Variants in CTBP1 observed in about 807,000 individuals in gnomAD.
CTBP1 encodes the protein C-terminal binding protein 1.
Under a neutral mutation model 42.1 loss-of-function variants are expected in CTBP1, and 11 were observed. The observed-to-expected ratio is 0.26, with a 90% CI of 0.16 to 0.43. CTBP1 has a LOEUF of 0.43. Ranked by LOEUF, CTBP1 falls within the 20% of genes least tolerant of loss-of-function variation. CTBP1 has a pLI of 1.00. For missense variants in CTBP1, 399 were observed against 624.3 expected (o/e 0.64, Z 3.85); for synonymous variants, 324 against 277.1 (o/e 1.17, Z -1.68).
chr4:1,247,754 GGA>G (rs1413527258), intron 1 of CTBP1, among the ~76,000 whole-genome samples: 32 of 128,636 alleles, frequency 2.5e-4, no homozygotes, highest in Non-Finnish European at 5.1e-4. Context: ...CAGAAACGGT[GGA>G]GAGGCCGGGG....
intron 3 of CTBP1, among the ~76,000 whole-genome samples, chr4:1,230,250 A>T (rs540807239): frequency 1.3e-5 from 2 of 152,324 alleles, no homozygotes; most frequent in South Asian, 4.1e-4. Flanking sequence ...ATGGGCAGGC[A>T]GAGGCCAGCA....
intron 5 of CTBP1, 106 bp downstream of exon 5, chr4:1,225,254 C>G: frequency 7.4e-7 from 1 of 1,343,650 alleles, no homozygotes; most frequent in Non-Finnish European, 1.0e-6. Context: ...GGACCGACAC[C>G]TGCAGCAGCC....
chr4:1,219,737 G>A (rs1053183902), intron 5 of CTBP1, among the ~76,000 whole-genome samples: 1 of 152,214 alleles, frequency 6.6e-6, no homozygotes, highest in Non-Finnish European at 1.5e-5. Context: ...GTCTCATTAC[G>A]CCATCCAGGC....
chr4:1,216,078 G>A lies in CTBP1; in HGVS notation c.642C>T (p.Asp214=), dbSNP rs1265639501. ...TCACGCAGTCGCTGTGGAAGAGCAG[G>A]TCCTGCAGGGTGCTGACACGCTGCA... The part of the protein sequence containing the change: ...LGLQRVSTLQ[D]LLFHSDCVTL... The change falls in exon 6 of 10, where the codon GAC becomes GAT. Residue 214 remains aspartate (D), a synonymous_variant. Coordinates refer to ENST00000382952, the MANE Select transcript of CTBP1 (RefSeq NM_001012614.2). 1.9e-6 allele frequency: 3 copies of A among 1,611,602 alleles called. No homozygotes were observed. The highest frequency in any genetic ancestry group is 1.7e-5 in the Admixed American group (1 of 60,008).
chr4:1,248,645 G>C, intron 1 of CTBP1: 1 of 981,062 alleles, frequency 1.0e-6, no homozygotes, highest in Non-Finnish European at 1.2e-6. Flanking sequence ...GAGGCCCACA[G>C]GCCCTTTTGT....
chr4:1,221,870 AGGAAG>A, intron 5 of CTBP1: 1 of 416,434 alleles, frequency 2.4e-6, no homozygotes. Flanking sequence ...GAAGGAAGGA[AGGAAG>A]GGAAGGAGGG....
Position 1,235,856 on chromosome 4 carries a change from G to A in CTBP1, c.162+2327C>T, listed in dbSNP as rs905712274. 6.6e-6 allele frequency: 1 copy of A among 152,232 alleles called. No individual in the cohort carries two copies. The highest frequency in any genetic ancestry group is 1.5e-5 in the Non-Finnish European group (1 of 68,042). The allele number at this position is 152,232 out of a possible 1,614,324, so 9.4% of individuals were successfully genotyped here. ...TCGGCTGACGCTGTCTTCCTCTAAAGGGGCCGTCTTACTTCTTTTGCCAGG... is the reference window on the plus strand; with the variant it reads ...TCGGCTGACGCTGTCTTCCTCTAAAAGGGCCGTCTTACTTCTTTTGCCAGG... On this transcript the variant is annotated intron_variant, in intron 3 of 9. Transcript: ENST00000382952. The surrounding 1 kb of genome is among the most constrained non-coding windows in gnomAD (Gnocchi z 4.2).
intron 4 of CTBP1, 36 bp downstream of exon 4, chr4:1,228,163 T>A (rs373783207): frequency 1.2e-6 from 2 of 1,609,716 alleles, no homozygotes; most frequent in East Asian, 4.5e-5. Flanking sequence ...GGAGCTTGCA[T>A]GAATGGGCAC....
intron 5 of CTBP1, chr4:1,217,182 G>A (rs1426544899): frequency 6.6e-6 from 1 of 152,338 alleles, no homozygotes; most frequent in East Asian, 1.9e-4. Context: ...GTGGCCGGAC[G>A]TGGCCCAAAC....
intron 1 of CTBP1, chr4:1,242,349 A>G: frequency 1.0e-6 from 1 of 985,338 alleles, no homozygotes; most frequent in Non-Finnish European, 1.2e-6. Flanking sequence ...TGCAGCTGAC[A>G]TCAGGCTGAC....
At chr4:1,236,950 C>A (rs553601039) in intron 3 of CTBP1, 30 of 678,826 alleles carry the variant, frequency 4.4e-5, no homozygotes, top group African/African-American at 4.1e-4. Flanking sequence ...TCAGGGCAAA[C>A]CCCGTGTCCA....
At chr4:1,227,799 G>A (rs549253458) in intron 4 of CTBP1, among the ~76,000 whole-genome samples, 1 of 152,364 alleles carries the variant, frequency 6.6e-6, no homozygotes, top group East Asian at 1.9e-4. Context: ...TGTGTGCTGA[G>A]TGCACACGTA....
At chr4:1,214,315 A>G in intron 7 of CTBP1, 28 bp downstream of exon 7, 1 of 1,527,270 alleles carries the variant, frequency 6.5e-7, no homozygotes. Context: ...AGGGAAGAGC[A>G]GGGGGGCGGC....
intron 2 of CTBP1, among the ~76,000 whole-genome samples, chr4:1,240,897 G>A (rs1290081521): frequency 2.6e-5 from 4 of 152,196 alleles, no homozygotes; most frequent in African/African-American, 7.2e-5. Context: ...CCGACTGCAC[G>A]CACTTCCGGG....
chr4:1,234,069 C>A (rs983431148), intron 3 of CTBP1, among the ~76,000 whole-genome samples: 2 of 152,168 alleles, frequency 1.3e-5, no homozygotes, highest in Non-Finnish European at 2.9e-5. Context: ...AGGCCCTGCT[C>A]CCCTCTGTTC....
At chr4:1,215,760 G>C (rs1156335081) in intron 6 of CTBP1, 8 of 584,084 alleles carry the variant, frequency 1.4e-5, no homozygotes, top group Admixed American at 6.1e-5. Flanking sequence ...AAGGTATGAG[G>C]TTCTGTCTTG....
At chr4:1,227,407 C>T (rs142472619) in intron 4 of CTBP1, among the ~76,000 whole-genome samples, 10 of 125,564 alleles carry the variant, frequency 8.0e-5, no homozygotes, top group Admixed American at 7.8e-4. Flanking sequence ...TGTGTGTGTT[C>T]TGTGTGCTGA....
chr4:1,248,416 G>C (rs1287584919), intron 1 of CTBP1, among the ~76,000 whole-genome samples: 1 of 150,560 alleles, frequency 6.6e-6, no homozygotes, highest in South Asian at 2.1e-4. Flanking sequence ...GGTCGCCGGC[G>C]GCCTCCCCGC....
intron 1 of CTBP1, chr4:1,245,384 C>G: frequency 1.0e-6 from 1 of 985,430 alleles, no homozygotes; most frequent in Non-Finnish European, 1.2e-6. Flanking sequence ...CGCCACCTTC[C>G]TGGCTCCTAC....
Sources: allele counts gnomAD v4.1 joint callset (sites outside exome capture counted in the v4.1 genomes callset), GRCh38; gene constraint gnomAD v4.1.1; non-coding constraint Gnocchi (gnomAD v3.1); transcripts MANE v1.5; gene names NCBI Gene and HGNC (gene_info 2026-07-23, HGNC 2026-07-21).